Variants in SHISA6 observed in about 807,000 individuals in gnomAD.
SHISA6 encodes the protein shisa family member 6.
A neutral mutation model predicts 47.9 loss-of-function variants in SHISA6; 22 were observed. The observed-to-expected ratio is 0.46, with a 90% CI of 0.33 to 0.66. The LOEUF is 0.66. Among genes scored for constraint, SHISA6 ranks in the 30% least tolerant of loss-of-function variants. SHISA6 has a pLI of 0.02. For synonymous variants in SHISA6, 388 were observed against 337.8 expected, an observed-to-expected ratio of 1.15 and a Z score of -1.63; for missense variants, 680 against 764.6, an observed-to-expected ratio of 0.89 and a Z score of 1.30.
chr17:11,471,709 A>C (rs962076735), intron 3 of SHISA6, among the ~76,000 whole-genome samples: 1 of 152,190 alleles, frequency 6.6e-6, no homozygotes, highest in Admixed American at 6.5e-5. Flanking sequence ...GGGACCGTGG[A>C]GTCTACTTGA....
At chr17:11,522,399 G>T (rs1341029045) in intron 3 of SHISA6, among the ~76,000 whole-genome samples, 1 of 152,162 alleles carries the variant, frequency 6.6e-6, no homozygotes, top group Admixed American at 6.5e-5. Context: ...GAGTAGCTGG[G>T]ACTACAGACA....
At chr17:11,308,695 C>T (rs1910216572) in intron 2 of SHISA6, among the ~76,000 whole-genome samples, 1 of 152,176 alleles carries the variant, frequency 6.6e-6, no homozygotes, top group Admixed American at 6.5e-5. Context: ...GATCTTTGCC[C>T]AGGGCTCAGG....
chr17:11,396,348 C>G lies in SHISA6; in HGVS notation c.895+16839C>G, dbSNP rs115661649. On this transcript the variant is annotated intron_variant, in intron 3 of 5. Coordinates refer to ENST00000441885, the MANE Select transcript of SHISA6 (RefSeq NM_207386.4). ...CTGGTTGATAGTTTTCTTTCTCATA[C>G]TGTCTTTATCCTGTTTAGTATCAAT... Among the ~76,000 whole-genome samples the G allele has an allele frequency of 6.2e-3, 937 of 152,244 alleles. 13 individuals carry two copies. The highest frequency in any genetic ancestry group is 0.021 in the African/African-American group (872 of 41,532).
chr17:11,468,913 C>T (rs760613321), intron 3 of SHISA6, among the ~76,000 whole-genome samples: 2 of 142,768 alleles, frequency 1.4e-5, no homozygotes, highest in Non-Finnish European at 3.0e-5. Flanking sequence ...CCCAGCTACT[C>T]GGGAGGATGA....
At chr17:11,309,983 A>G (rs2142185391) in intron 2 of SHISA6, among the ~76,000 whole-genome samples, 1 of 152,378 alleles carries the variant, frequency 6.6e-6, no homozygotes, top group Middle Eastern at 3.4e-3. Context: ...GCTTCAGCCC[A>G]GAAGTGGCTC....
chr17:11,316,872 G>A (rs970756170), intron 2 of SHISA6, among the ~76,000 whole-genome samples: 9 of 152,126 alleles, frequency 5.9e-5, no homozygotes, highest in African/African-American at 1.7e-4. Context: ...TTTAAATGAT[G>A]TGTAATTTTA....
intron 3 of SHISA6, among the ~76,000 whole-genome samples, chr17:11,524,077 AAGAAAAAG>A (rs925674062): frequency 6.7e-6 from 1 of 149,128 alleles, no homozygotes; most frequent in African/African-American, 2.5e-5. Context: ...AGATGAAAGA[AAGAAAAAG>A]AAAGAAAGAA....
intron 2 of SHISA6, among the ~76,000 whole-genome samples, chr17:11,291,462 C>G (rs772009155): frequency 6.6e-6 from 1 of 151,832 alleles, no homozygotes; most frequent in Admixed American, 6.6e-5. Flanking sequence ...GGTGAAACCC[C>G]GTCTCTACTG....
intron 3 of SHISA6, among the ~76,000 whole-genome samples, chr17:11,511,839 G>A (rs1260247979): frequency 1.3e-5 from 2 of 152,140 alleles, no homozygotes; most frequent in Non-Finnish European, 2.9e-5. Flanking sequence ...CTGGAGTCTG[G>A]GTCAGACACA....
chr17:11,458,097 A>AG (rs1218733329), intron 3 of SHISA6, among the ~76,000 whole-genome samples: 1 of 151,906 alleles, frequency 6.6e-6, no homozygotes, highest in East Asian at 1.9e-4. Flanking sequence ...AAAAAAAAAA[A>AG]AAAAATAGAA....
intron 1 of SHISA6, among the ~76,000 whole-genome samples, chr17:11,243,847 C>G (rs907832990): frequency 5.9e-5 from 9 of 152,292 alleles, no homozygotes; most frequent in Admixed American, 1.3e-4. Flanking sequence ...ACACATCTTT[C>G]TTTAAGTTAC....
At chr17:11,251,594 A>G (rs1907810194) in intron 1 of SHISA6, among the ~76,000 whole-genome samples, 1 of 152,130 alleles carries the variant, frequency 6.6e-6, no homozygotes, top group African/African-American at 2.4e-5. Context: ...TGTAGAGCTC[A>G]CAAACAGCTC....
At chr17:11,483,768 A>T (rs1298312356) in intron 3 of SHISA6, among the ~76,000 whole-genome samples, 1 of 152,152 alleles carries the variant, frequency 6.6e-6, no homozygotes, top group African/African-American at 2.4e-5. Context: ...GACCAGCCTG[A>T]GCAATAGCGA....
At chr17:11,495,954 C>T (rs2071403945) in intron 3 of SHISA6, among the ~76,000 whole-genome samples, 1 of 152,088 alleles carries the variant, frequency 6.6e-6, no homozygotes, top group South Asian at 2.1e-4. Context: ...TCTCCCAGAG[C>T]AGTTCTTTCT....
chr17:11,325,764 T>C (rs981750817), intron 2 of SHISA6, among the ~76,000 whole-genome samples: 1 of 152,114 alleles, frequency 6.6e-6, no homozygotes, highest in East Asian at 1.9e-4. Context: ...AAAAATTACT[T>C]CCTCCCTGGG....
chr17:11,390,604 A>AT (rs371460099), intron 3 of SHISA6, among the ~76,000 whole-genome samples: 13 of 151,864 alleles, frequency 8.6e-5, no homozygotes, highest in East Asian at 5.8e-4. Flanking sequence ...GATAAAAAAT[A>AT]TTTTTTTTTA....
At chr17:11,468,892 G>A (rs1236426041) in intron 3 of SHISA6, among the ~76,000 whole-genome samples, 7 of 151,564 alleles carry the variant, frequency 4.6e-5, no homozygotes, top group Non-Finnish European at 8.8e-5. Flanking sequence ...ATGGTGGCAC[G>A]AGCCTGTAAT....
intron 3 of SHISA6, among the ~76,000 whole-genome samples, chr17:11,474,405 GT>G (rs55978546): frequency 0.19 from 27,058 of 141,210 alleles, 2,394 homozygotes; most frequent in Middle Eastern, 0.29. Flanking sequence ...CTTTTTGATG[GT>G]TTTTTTTTTT....
At chr17:11,303,608 CAG>C (rs1227807580) in intron 2 of SHISA6, among the ~76,000 whole-genome samples, 1 of 152,070 alleles carries the variant, frequency 6.6e-6, no homozygotes, top group African/African-American at 2.4e-5. Flanking sequence ...GAGAGCCACA[CAG>C]AAAAAGGCCA....
Sources: gnomAD v4.1 joint callset for allele counts (sites outside exome capture counted in the v4.1 genomes callset) on GRCh38, gnomAD v4.1.1 for gene constraint, MANE v1.5 for transcripts, NCBI Gene and HGNC (gene_info 2026-07-23, HGNC 2026-07-21) for gene names.